Variants in NPIPA5 observed in about 807,000 individuals in gnomAD.
NPIPA5 encodes the protein nuclear pore complex interacting protein family member A5, also known as nuclear pore complex-interacting protein family member A5.
Under a neutral mutation model 21.4 loss-of-function variants are expected in NPIPA5, and 6 were observed. The observed-to-expected ratio is 0.28, with a 90% CI of 0.15 to 0.55. The LOEUF (loss-of-function observed/expected upper bound fraction) is 0.55. Among genes scored for constraint, NPIPA5 ranks in the 20% least tolerant of loss-of-function variants. NPIPA5 has a pLI of 0.93. For synonymous variants in NPIPA5, 33 were observed against 115.3 expected, an observed-to-expected ratio of 0.29 and a Z score of 4.57; for missense variants, 99 against 318.2, an observed-to-expected ratio of 0.31 and a Z score of 5.24.
intron 2 of NPIPA5, among the ~76,000 whole-genome samples, chr16:15,372,497 G>GAA (rs1237702353): frequency 8.2e-6 from 1 of 122,058 alleles, no homozygotes; most frequent in African/African-American, 3.0e-5. Flanking sequence ...GGTGAGAAAA[G>GAA]AAAAAAAAAA....
intron 1 of NPIPA5, among the ~76,000 whole-genome samples, chr16:15,377,788 G>A (rs1208159984): frequency 6.7e-5 from 10 of 150,200 alleles, no homozygotes; most frequent in Non-Finnish European, 1.3e-4. Flanking sequence ...CTGGTGGAAG[G>A]TTTAGCTACA....
chr16:15,379,466 C>T, upstream of NPIPA5, among the ~76,000 whole-genome samples: 1 of 151,740 alleles, frequency 6.6e-6, no homozygotes, highest in Admixed American at 6.6e-5. Context: ...ACTTGGGAGG[C>T]TGAGGCAGGA....
chr16:15,380,415 T>C (rs1389071496), upstream of NPIPA5, among the ~76,000 whole-genome samples: 1 of 151,902 alleles, frequency 6.6e-6, no homozygotes, highest in African/African-American at 2.4e-5. Flanking sequence ...CTCCACCTCC[T>C]GAATTTCAGC....
At chr16:15,379,553 C>G (rs2050387352), upstream of NPIPA5, among the ~76,000 whole-genome samples, 2 of 150,830 alleles carry the variant, frequency 1.3e-5, no homozygotes, top group South Asian at 2.1e-4. Flanking sequence ...GGCGACAGAG[C>G]GAGACTCTGT....
chr16:15,376,950 G>A (rs1428964121), intron 1 of NPIPA5, among the ~76,000 whole-genome samples: 1 of 152,126 alleles, frequency 6.6e-6, no homozygotes. Context: ...CTCCAGCCTG[G>A]GCGACAGAGT....
chr16:15,367,274 C>T (rs2050001764), intron 4 of NPIPA5, among the ~76,000 whole-genome samples: 1 of 152,094 alleles, frequency 6.6e-6, no homozygotes, highest in South Asian at 2.1e-4. Context: ...AATATGGTGT[C>T]ATTAACCCTG....
At chr16:15,377,045 C>T (rs1314615547) in intron 1 of NPIPA5, among the ~76,000 whole-genome samples, 3 of 150,776 alleles carry the variant, frequency 2.0e-5, no homozygotes, top group South Asian at 4.4e-4. Flanking sequence ...TGTTTTGGTC[C>T]GTTTTGTTTG....
Position 15,363,705 on chromosome 16 carries a change from C to T in NPIPA5, c.1007G>A (p.Cys336Tyr). 1 of 1,460,952 alleles carries T rather than the reference C, an allele frequency of 6.8e-7. No individual in the cohort carries two copies. The highest frequency in any genetic ancestry group is 3.4e-5 in the East Asian group (1 of 29,312). 90.5% of individuals were successfully genotyped at this position (1,460,952 alleles called of 1,614,324 possible). ...CCGCTGAGGGTGGAAGGGGAGTGAG[C>T]AGACACACTCGGGAGGTGTCTTGAG... ...DNLKTPPECV[C>Y]SLPFHPQRMI... The change falls in exon 8 of 8, where the codon TGC becomes TAC. Residue 336 changes from cysteine to tyrosine, a missense_variant. Coordinates refer to ENST00000360151, the MANE Select transcript of NPIPA5 (RefSeq NM_001277325.2).
At chr16:15,381,163 G>A, upstream of NPIPA5, 3 of 660,794 alleles carry the variant, frequency 4.5e-6, no homozygotes, top group East Asian at 2.7e-5. Flanking sequence ...GTGGTCAAGG[G>A]CTTCAGAAAA....
chr16:15,374,497 T>A (rs867724002), intron 1 of NPIPA5, among the ~76,000 whole-genome samples: 1 of 149,078 alleles, frequency 6.7e-6, no homozygotes. Context: ...TGCCCAGCCA[T>A]TTTTTTTGTT....
Position 15,368,068 on chromosome 16 carries a change from C to G in NPIPA5, c.438-1308G>C, listed in dbSNP as rs541249064. The stretch of plus-strand genomic sequence containing the variant: ...AGGTGAAGATGGAGAAGAAGGAAAC[C>G]CAGGACGAAAGTCAGCCTCGCATTT... On this transcript the variant is annotated intron_variant, in intron 4 of 7. Coordinates refer to ENST00000360151, the MANE Select transcript of NPIPA5 (RefSeq NM_001277325.2). Among the ~76,000 whole-genome samples, 505 of 97,118 alleles carry G rather than the reference C, an allele frequency of 5.2e-3. 5 individuals carry two copies. Among genetic ancestry groups the G allele is most frequent in the African/African-American group, 0.02 (487 of 24,550 alleles). The allele number at this position is 97,118 out of a possible 152,430, so 63.7% of individuals were successfully genotyped here.
Position 15,365,942 on chromosome 16 carries a change from A to G in NPIPA5, c.546-308T>C, listed in dbSNP as rs1177443054. Among the ~76,000 whole-genome samples, 29 of 55,750 alleles carry G rather than the reference A, an allele frequency of 5.2e-4. 7 individuals are homozygous for G. Among genetic ancestry groups the G allele is most frequent in the Admixed American group, 4.0e-3 (16 of 3,976 alleles). The allele number at this position is 55,750 out of a possible 152,430, so 36.6% of individuals were successfully genotyped here. ...AAATTAGGCGGGGGTGGTGGCAGGCACCTGTAATCCCAGCTACTCGGGAGG... is the reference window on the plus strand; with the variant it reads ...AAATTAGGCGGGGGTGGTGGCAGGCGCCTGTAATCCCAGCTACTCGGGAGG... On this transcript the variant is annotated intron_variant, in intron 5 of 7. Transcript: ENST00000360151.
chr16:15,372,069 T>C (rs530607742), intron 2 of NPIPA5, among the ~76,000 whole-genome samples: 2 of 148,734 alleles, frequency 1.3e-5, no homozygotes, highest in African/African-American at 2.4e-5. Flanking sequence ...ATGACACCCA[T>C]GATGTCCCTG....
upstream of NPIPA5, among the ~76,000 whole-genome samples, chr16:15,379,264 G>A (rs1309108852): frequency 1.3e-5 from 2 of 152,226 alleles, no homozygotes; most frequent in African/African-American, 2.4e-5. Context: ...ACCCTAAGAA[G>A]CAAGCAAAAC....
At chr16:15,379,686 G>A (rs1298691798), upstream of NPIPA5, among the ~76,000 whole-genome samples, 2 of 151,988 alleles carry the variant, frequency 1.3e-5, no homozygotes, top group African/African-American at 4.8e-5. Context: ...GGTGGCTCAC[G>A]CCTGTAATCC....
At chr16:15,370,782 A>G (rs2050134739) in intron 2 of NPIPA5, among the ~76,000 whole-genome samples, 1 of 143,390 alleles carries the variant, frequency 7.0e-6, no homozygotes, top group Admixed American at 7.3e-5. Context: ...CAGGTGCGGT[A>G]GCTCACGCCT....
chr16:15,375,772 G>A lies in NPIPA5; in HGVS notation c.64-1929C>T, dbSNP rs2050275803. Among the ~76,000 whole-genome samples, 7 of 150,548 alleles carry A rather than the reference G, an allele frequency of 4.6e-5. No homozygotes were observed. The South Asian group carries it at 1.5e-3, about 32-fold the overall frequency. On this transcript the variant is annotated intron_variant, in intron 1 of 7. Transcript: ENST00000360151. ...AAAAAAAAAAAAAATTACCAAGGTGGAGATCATGAAAATGGCATGAATAGT... is the reference window on the plus strand; with the variant it reads ...AAAAAAAAAAAAAATTACCAAGGTGAAGATCATGAAAATGGCATGAATAGT...
intron 4 of NPIPA5, among the ~76,000 whole-genome samples, chr16:15,367,566 A>AT (rs1248335052): frequency 6.6e-6 from 1 of 151,894 alleles, no homozygotes; most frequent in Non-Finnish European, 1.5e-5. Context: ...ACACCACTTG[A>AT]TTCATGGTCG....
At chr16:15,377,702 G>T (rs2050342885) in intron 1 of NPIPA5, among the ~76,000 whole-genome samples, 1 of 111,844 alleles carries the variant, frequency 8.9e-6, no homozygotes, top group Non-Finnish European at 2.0e-5. Context: ...AGGAGGAGAA[G>T]GGGGCTGTTG....
Sources: allele counts gnomAD v4.1 joint callset (sites outside exome capture counted in the v4.1 genomes callset), GRCh38; gene constraint gnomAD v4.1.1; transcripts MANE v1.5; gene names NCBI Gene and HGNC (gene_info 2026-07-23, HGNC 2026-07-21).